Variants in INPP4B observed in about 807,000 individuals in gnomAD.
INPP4B encodes the protein inositol polyphosphate-4-phosphatase type II B.
INPP4B carries 55 observed loss-of-function variants against 122.5 expected under a neutral mutation model. The ratio of observed to expected loss-of-function variants is 0.45; its 90% confidence interval spans 0.36 to 0.56. The LOEUF (loss-of-function observed/expected upper bound fraction) is 0.56, where lower values mean the gene tolerates loss of function less well. INPP4B is among the 20% of genes least tolerant of loss of function. The probability of loss-of-function intolerance (pLI) is 0.00; values close to 1 mark genes in which losing one functional copy is unlikely to be tolerated. For synonymous variants in INPP4B, 403 were observed against 388.7 expected, an observed-to-expected ratio of 1.04 and a Z score of -0.43; for missense variants, 1,000 against 1,097.7, an observed-to-expected ratio of 0.91 and a Z score of 1.26.
intron 2 of INPP4B, among the ~76,000 whole-genome samples, chr4:142,610,039 T>G (rs1034332439): frequency 6.6e-6 from 1 of 152,172 alleles, no homozygotes; most frequent in African/African-American, 2.4e-5. Flanking sequence ...TTTATGTTAG[T>G]CAATTGATAT....
In INPP4B at chr4:142,060,619, C is replaced by T. The variant is rs139931291; in HGVS notation, c.2642+21412G>A. On this transcript the variant is annotated intron_variant, in intron 25 of 25. Transcript: ENST00000262992. ...AAGGCCTTTTGCATGTCTTTTAACCCGTCTGTGGCTGTTTCTTGATTTTAA... is the reference window on the plus strand; with the variant it reads ...AAGGCCTTTTGCATGTCTTTTAACCTGTCTGTGGCTGTTTCTTGATTTTAA... Among the ~76,000 whole-genome samples, 76 of 152,232 alleles carry T rather than the reference C, an allele frequency of 5.0e-4. 3 individuals carry two copies. The highest frequency in any genetic ancestry group is 1.8e-3 in the Admixed American group (28 of 15,278).
chr4:142,171,893 C>G, intron 16 of INPP4B, among the ~76,000 whole-genome samples: 1 of 151,842 alleles, frequency 6.6e-6, no homozygotes, highest in East Asian at 1.9e-4. Context: ...TGACAAATCC[C>G]TGCCCAGTGC....
intron 2 of INPP4B, among the ~76,000 whole-genome samples, chr4:142,627,247 C>A (rs543997304): frequency 1.5e-3 from 230 of 151,788 alleles, no homozygotes; most frequent in Non-Finnish European, 2.5e-3. Context: ...CCTTTATTTC[C>A]TTCTCCTGCC....
rs547626310 is a variant in INPP4B, at chr4:142,464,078, C to T, written c.-190-1352G>A. Among the ~76,000 whole-genome samples, 214 of 152,218 alleles carry T rather than the reference C, an allele frequency of 1.4e-3. 1 individual carries two copies. Among genetic ancestry groups the T allele is most frequent in the African/African-American group, 4.9e-3 (203 of 41,526 alleles). On this transcript the variant is annotated intron_variant, in intron 2 of 25. Transcript: ENST00000262992. ...ACAGGTGAAGTAATTCAGGCAGAGT[C>T]CCACAGGTAAAGAGTAGTATTTGAA...
intron 25 of INPP4B, among the ~76,000 whole-genome samples, chr4:142,033,022 T>C (rs1308937036): frequency 1.3e-5 from 2 of 150,904 alleles, no homozygotes; most frequent in African/African-American, 4.9e-5. Flanking sequence ...AGCAAGAAAA[T>C]AAAAAAGCCT....
intron 2 of INPP4B, among the ~76,000 whole-genome samples, chr4:142,579,633 T>A (rs1225916143): frequency 6.6e-6 from 1 of 151,894 alleles, no homozygotes; most frequent in Non-Finnish European, 1.5e-5. Flanking sequence ...GGATTCTTTC[T>A]GCCTGACTGC....
At chr4:142,045,629 C>G in intron 25 of INPP4B, among the ~76,000 whole-genome samples, 1 of 151,964 alleles carries the variant, frequency 6.6e-6, no homozygotes, top group East Asian at 1.9e-4. Context: ...CATTTTTGAC[C>G]TTTACCTCTC....
Position 142,683,150 on chromosome 4 carries a change from C to T in INPP4B, c.-191+42689G>A, listed in dbSNP as rs556457425. Among the ~76,000 whole-genome samples the T allele has an allele frequency of 3.0e-4, 46 of 151,996 alleles. 1 individual carries two copies. The highest frequency in any genetic ancestry group is 2.6e-3 in the Admixed American group (39 of 15,218). The stretch of plus-strand genomic sequence containing the variant: ...ACATGCATATTAGATATACAAGCAA[C>T]CCACTGTAATTAAATGTTGTCACCC... On this transcript the variant is annotated intron_variant, in intron 2 of 25. Transcript: ENST00000262992.
chr4:142,224,134 C>T (rs1026221747), intron 12 of INPP4B, among the ~76,000 whole-genome samples: 2 of 152,162 alleles, frequency 1.3e-5, no homozygotes, highest in South Asian at 2.1e-4. Context: ...GGAGAAATAG[C>T]TAGATATAAA....
intron 2 of INPP4B, among the ~76,000 whole-genome samples, chr4:142,683,092 GC>G (rs981438552): frequency 6.6e-5 from 10 of 151,856 alleles, no homozygotes; most frequent in African/African-American, 2.4e-4. Context: ...TAGTCATAGT[GC>G]CCATGAACTC....
chr4:142,086,518 T>C (rs577236338), intron 23 of INPP4B, among the ~76,000 whole-genome samples: 1 of 152,104 alleles, frequency 6.6e-6, no homozygotes, highest in East Asian at 1.9e-4. Flanking sequence ...CATGCCCAGC[T>C]ACTTTTTGTA....
Position 142,558,419 on chromosome 4 carries a change from CA to C in INPP4B, c.-190-95694del, listed in dbSNP as rs200525922. On this transcript the variant is annotated intron_variant, in intron 2 of 25. Coordinates refer to ENST00000262992, the MANE Select transcript of INPP4B (RefSeq NM_001101669.3). Reference sequence around the variant, plus strand: ...GACTTTGACAATTTGGTTTTGGCAGCAAAAAAAAAGGAAAAAAGAAAGACAA... The same window carrying C: ...GACTTTGACAATTTGGTTTTGGCAGCAAAAAAAAGGAAAAAAGAAAGACAA... Among the ~76,000 whole-genome samples, 131 of 145,254 alleles carry C rather than the reference CA, an allele frequency of 9.0e-4. 1 individual carries two copies. Among genetic ancestry groups the C allele is most frequent in the Admixed American group, 3.4e-4 (5 of 14,618 alleles).
intron 2 of INPP4B, among the ~76,000 whole-genome samples, chr4:142,656,382 A>G (rs1041591329): frequency 6.6e-5 from 10 of 152,174 alleles, no homozygotes; most frequent in Admixed American, 2.0e-4. Flanking sequence ...TGGTGAATGA[A>G]ATGGGGACAC....
Position 142,173,765 on chromosome 4 carries a change from T to C in INPP4B, c.1226A>G (p.Lys409Arg), listed in dbSNP as rs1346660509. Residue 409 changes from lysine (K) to arginine (R), a missense_variant, in exon 16 of 26, where the codon AAA becomes AGA. Lys to Arg is a conservative substitution (Grantham distance 26, BLOSUM62 2). Transcript: ENST00000262992. Reference protein sequence around the residue: ...FIYYSPENTAKAKEVLSNINQ... With the variant: ...FIYYSPENTARAKEVLSNINQ... Reference sequence around the variant, plus strand: ...GATGTTGCTGAGAACTTCCTTTGCTTTGGCTGTGTTTTCAGGTGAATAGTA... The same window carrying C: ...GATGTTGCTGAGAACTTCCTTTGCTCTGGCTGTGTTTTCAGGTGAATAGTA... The C allele has an allele frequency of 6.2e-7, 1 of 1,613,250 alleles. No homozygotes were observed. Among genetic ancestry groups the C allele is most frequent in the Admixed American group, 1.7e-5 (1 of 59,922 alleles).
At chr4:142,345,870 A>C (rs1305273805) in intron 7 of INPP4B, among the ~76,000 whole-genome samples, 1 of 152,032 alleles carries the variant, frequency 6.6e-6, no homozygotes, top group East Asian at 1.9e-4. Context: ...CACCTTCATC[A>C]GTGTACTCTT....
At chr4:142,600,825 T>C (rs1739733766) in intron 2 of INPP4B, among the ~76,000 whole-genome samples, 1 of 151,878 alleles carries the variant, frequency 6.6e-6, no homozygotes, top group Admixed American at 6.6e-5. Flanking sequence ...GAGGCACATA[T>C]AAAGTAAAAG....
intron 2 of INPP4B, among the ~76,000 whole-genome samples, chr4:142,624,314 G>A (rs1008370220): frequency 1.6e-4 from 24 of 151,588 alleles, no homozygotes; most frequent in Admixed American, 1.3e-3. Context: ...TTCTCTGATG[G>A]CCAGTGATGG....
chr4:142,524,100 T>C (rs1429301365), intron 2 of INPP4B, among the ~76,000 whole-genome samples: 21 of 151,930 alleles, frequency 1.4e-4, no homozygotes, highest in Non-Finnish European at 2.8e-4. Flanking sequence ...CTATTGTGAA[T>C]AGTGCCGCAA....
chr4:142,471,288 T>C (rs1380863201), intron 2 of INPP4B, among the ~76,000 whole-genome samples: 1 of 152,208 alleles, frequency 6.6e-6, no homozygotes, highest in Non-Finnish European at 1.5e-5. Context: ...TCTACAGCTA[T>C]AGCTTTTTTT....
Sources: allele counts gnomAD v4.1 joint callset (sites outside exome capture counted in the v4.1 genomes callset), GRCh38; gene constraint gnomAD v4.1.1; transcripts MANE v1.5; gene names NCBI Gene and HGNC (gene_info 2026-07-23, HGNC 2026-07-21).